The following IFNG-AS1 variants were observed in gnomAD, a reference collection of about 807,000 sequenced individuals.
The protein encoded by IFNG-AS1 is IFNG regulatory antisense RNA 1.
At chr12:67,997,647 G>A (rs1184181883) in intron 2 of IFNG-AS1, among the ~76,000 whole-genome samples, 7 of 149,720 alleles carry the variant, frequency 4.7e-5, no homozygotes, top group Admixed American at 2.0e-4. Context: ...AAAGATTGAC[G>A]AGTGGCCACA....
chr12:68,007,643 T>C (rs1879935551), intron 3 of IFNG-AS1, among the ~76,000 whole-genome samples: 1 of 152,218 alleles, frequency 6.6e-6, no homozygotes, highest in African/African-American at 2.4e-5. Context: ...CTATAATACA[T>C]GAACAGCTGA....
intron 3 of IFNG-AS1, among the ~76,000 whole-genome samples, chr12:68,012,178 CT>C (rs1880047227): frequency 6.6e-6 from 1 of 151,922 alleles, no homozygotes; most frequent in Non-Finnish European, 1.5e-5. Context: ...TTTTTCTTTC[CT>C]TTTAATTGGT....
At chr12:67,997,855 T>C (rs915343556) in intron 2 of IFNG-AS1, among the ~76,000 whole-genome samples, 2 of 151,898 alleles carry the variant, frequency 1.3e-5, no homozygotes, top group Non-Finnish European at 2.9e-5. Context: ...GAGTAGATAA[T>C]TCACAAAAAG....
chr12:68,009,657 G>C (rs1051753024), intron 3 of IFNG-AS1, among the ~76,000 whole-genome samples: 8 of 151,946 alleles, frequency 5.3e-5, no homozygotes, highest in African/African-American at 7.2e-5. Context: ...AGTTTTTAAA[G>C]GTAGAATTTT....
At position 68,014,985 on chromosome 12, in the gene IFNG-AS1, G is replaced by A. The variant is rs538505235; in HGVS notation, n.242-4877G>A. On this transcript the variant is annotated intron_variant and non_coding_transcript_variant, in intron 3 of 5. Coordinates refer to ENST00000536914, the Ensembl canonical transcript of IFNG-AS1. ...ATACAAACAGATTTTGAGATAAAGGGCAACTAAAAAACCCAGGCACCAAGA... is the reference window on the plus strand; with the variant it reads ...ATACAAACAGATTTTGAGATAAAGGACAACTAAAAAACCCAGGCACCAAGA... 5.9e-5 allele frequency among the ~76,000 whole-genome samples: 9 copies of A among 152,066 alleles called. 1 individual carries two copies. The South Asian group carries it at 1.9e-3, about 32-fold the overall frequency.
At chr12:68,006,373 A>G (rs942151498) in intron 3 of IFNG-AS1, among the ~76,000 whole-genome samples, 13 of 152,254 alleles carry the variant, frequency 8.5e-5, no homozygotes, top group Non-Finnish European at 1.6e-4. Context: ...TTTTATGTAT[A>G]AAACATTGAA....
chr12:68,017,160 C>T (rs927611233), intron 3 of IFNG-AS1, among the ~76,000 whole-genome samples: 3 of 152,074 alleles, frequency 2.0e-5, no homozygotes, highest in African/African-American at 7.2e-5. Context: ...TAGGAAGACC[C>T]CTGAGGTGGA....
chr12:68,013,824 A>T (rs1880086823), intron 3 of IFNG-AS1, among the ~76,000 whole-genome samples: 1 of 152,198 alleles, frequency 6.6e-6, no homozygotes, highest in Non-Finnish European at 1.5e-5. Context: ...ATTGGGGTAC[A>T]GGTGGTGTTT....
At chr12:68,005,404 A>T (rs1592824594) in intron 2 of IFNG-AS1, among the ~76,000 whole-genome samples, 1 of 152,178 alleles carries the variant, frequency 6.6e-6, no homozygotes, top group Non-Finnish European at 1.5e-5. Context: ...GTGCATACAC[A>T]TGCACACACA....
intron 3 of IFNG-AS1, among the ~76,000 whole-genome samples, chr12:68,008,182 C>T (rs1173954331): frequency 7.2e-5 from 11 of 152,128 alleles, no homozygotes; most frequent in African/African-American, 1.9e-4. Flanking sequence ...TTTGAGAGGC[C>T]GAGGCAGGCG....
At chr12:68,008,934 C>A (rs1197280542) in intron 3 of IFNG-AS1, among the ~76,000 whole-genome samples, 1 of 152,182 alleles carries the variant, frequency 6.6e-6, no homozygotes, top group Non-Finnish European at 1.5e-5. Context: ...GTGTCTGCTA[C>A]AAGCACTCCA....
chr12:68,001,586 A>G (rs1413291956), intron 2 of IFNG-AS1: 1 of 162,486 alleles, frequency 6.2e-6, no homozygotes, highest in Non-Finnish European at 1.4e-5. Context: ...CCACAATGGC[A>G]GAGAAAGGGA....
chr12:68,012,573 T>C (rs1395943952), intron 3 of IFNG-AS1, among the ~76,000 whole-genome samples: 1 of 152,224 alleles, frequency 6.6e-6, no homozygotes, highest in East Asian at 1.9e-4. Flanking sequence ...TAAGAATTCA[T>C]GTCAAAGCCA....
intron 4 of IFNG-AS1, chr12:68,020,183 T>C (rs1460573789): frequency 1.3e-5 from 2 of 152,128 alleles, no homozygotes; most frequent in Non-Finnish European, 2.9e-5. Context: ...CAAAACATGA[T>C]AAATCATGTC....
intron 3 of IFNG-AS1, among the ~76,000 whole-genome samples, chr12:68,007,947 A>G (rs1236086826): frequency 6.6e-6 from 1 of 152,236 alleles, no homozygotes; most frequent in East Asian, 1.9e-4. Flanking sequence ...TTCTGAAGCA[A>G]TATAAATTGT....
chr12:68,008,570 T>G (rs776008244), intron 3 of IFNG-AS1, among the ~76,000 whole-genome samples: 1 of 152,200 alleles, frequency 6.6e-6, no homozygotes, highest in Non-Finnish European at 1.5e-5. Context: ...TGTCAGTAGA[T>G]TAGCACAATA....
chr12:67,995,625 G>A (rs1879622591), intron 1 of IFNG-AS1, among the ~76,000 whole-genome samples: 1 of 150,824 alleles, frequency 6.6e-6, no homozygotes, highest in Non-Finnish European at 1.5e-5. Context: ...GGAAGGCTGA[G>A]TCAGGAGAAT....
intron 1 of IFNG-AS1, among the ~76,000 whole-genome samples, chr12:67,993,443 A>G (rs1336110883): frequency 6.6e-6 from 1 of 152,214 alleles, no homozygotes; most frequent in Admixed American, 6.5e-5. Flanking sequence ...AAAAATGTTC[A>G]TGAGATAAAG....
intron 3 of IFNG-AS1, among the ~76,000 whole-genome samples, chr12:68,007,956 G>C (rs1879943034): frequency 6.6e-6 from 1 of 152,196 alleles, no homozygotes; most frequent in Admixed American, 6.5e-5. Context: ...AATATAAATT[G>C]TTGAGCTATA....
Sources: gnomAD v4.1 joint callset for allele counts (sites outside exome capture counted in the v4.1 genomes callset) on GRCh38, gnomAD v4.1.1 for gene constraint, MANE v1.5 for transcripts, NCBI Gene and HGNC (gene_info 2026-07-23, HGNC 2026-07-21) for gene names.